Variants in CNTNAP2 observed in about 807,000 individuals in gnomAD.
CNTNAP2 encodes contactin associated protein 2.
In CNTNAP2, 98 loss-of-function variants were observed where a neutral mutation model predicts 155.2. That is an observed-to-expected ratio of 0.63 (90% CI 0.54 to 0.75). The LOEUF (loss-of-function observed/expected upper bound fraction) is 0.75, where lower values mean the gene tolerates loss of function less well. Ranked by LOEUF, CNTNAP2 falls within the 30% of genes least tolerant of loss-of-function variation. The probability of loss-of-function intolerance (pLI) is 0.00; values close to 1 mark genes in which losing one functional copy is unlikely to be tolerated. For synonymous variants in CNTNAP2, 651 were observed against 631.2 expected, an observed-to-expected ratio of 1.03 and a Z score of -0.47; for missense variants, 1,727 against 1,688.1, an observed-to-expected ratio of 1.02 and a Z score of -0.40.
chr7:147,643,532 G>A (rs949503618), intron 13 of CNTNAP2: 1 of 152,002 alleles, frequency 6.6e-6, no homozygotes, highest in Non-Finnish European at 1.5e-5. Context: ...AGAAGCTAAT[G>A]TTTACTGTAA....
chr7:148,020,246 A>G (rs759534317), intron 15 of CNTNAP2, among the ~76,000 whole-genome samples: 1 of 152,218 alleles, frequency 6.6e-6, no homozygotes, highest in African/African-American at 2.4e-5. Flanking sequence ...ATTCTTCTTT[A>G]AATCTTCACC....
At chr7:147,236,310 A>T (rs1182958335) in intron 8 of CNTNAP2, among the ~76,000 whole-genome samples, 1 of 152,074 alleles carries the variant, frequency 6.6e-6, no homozygotes, top group Non-Finnish European at 1.5e-5. Context: ...CCTAAACCCC[A>T]CTGGCTCTCT....
intron 1 of CNTNAP2, among the ~76,000 whole-genome samples, chr7:146,724,181 A>G (rs2129178129): frequency 6.6e-6 from 1 of 152,290 alleles, no homozygotes; most frequent in Non-Finnish European, 1.5e-5. Flanking sequence ...CCAATTTGCT[A>G]TCTCAAGGGG....
chr7:146,392,220 C>A (rs190334290), intron 1 of CNTNAP2, among the ~76,000 whole-genome samples: 22 of 151,996 alleles, frequency 1.4e-4, no homozygotes, highest in Admixed American at 9.8e-4. Context: ...ATAAATATTT[C>A]ATGGTATTTT....
chr7:147,005,404 T>A (rs948744684), intron 3 of CNTNAP2, among the ~76,000 whole-genome samples: 10 of 152,042 alleles, frequency 6.6e-5, no homozygotes, highest in Admixed American at 6.6e-4. Context: ...AATTTTTTTC[T>A]CTACCCTACT....
chr7:147,962,331 C>T (rs1185027611), intron 14 of CNTNAP2, among the ~76,000 whole-genome samples: 1 of 152,188 alleles, frequency 6.6e-6, no homozygotes, highest in Non-Finnish European at 1.5e-5. Flanking sequence ...AGTCTATGTG[C>T]TTTGGGAATT....
At chr7:147,746,871 C>G (rs1797052439) in intron 13 of CNTNAP2, among the ~76,000 whole-genome samples, 1 of 152,148 alleles carries the variant, frequency 6.6e-6, no homozygotes, top group Non-Finnish European at 1.5e-5. Flanking sequence ...AAAGCCCACA[C>G]TATTTTATTT....
rs907891373 is a variant in CNTNAP2, at chr7:146,922,446, G to A, written c.402+82542G>A. Among the ~76,000 whole-genome samples the A allele has an allele frequency of 2.0e-5, 3 of 152,254 alleles. No individual in the cohort carries two copies. The South Asian group carries it at 6.2e-4, about 32-fold the overall frequency. ...TGTCCTGAACGTAGTGGTGAGGCAAGTCATTTGAGTGAACACCTGCACTCC... is the reference window on the plus strand; with the variant it reads ...TGTCCTGAACGTAGTGGTGAGGCAAATCATTTGAGTGAACACCTGCACTCC... On this transcript the variant is annotated intron_variant, in intron 3 of 23. Coordinates refer to ENST00000361727, the MANE Select transcript of CNTNAP2 (RefSeq NM_014141.6).
At chr7:147,228,001 A>G (rs1803586694) in intron 8 of CNTNAP2, among the ~76,000 whole-genome samples, 1 of 152,194 alleles carries the variant, frequency 6.6e-6, no homozygotes, top group African/African-American at 2.4e-5. Flanking sequence ...GAGTAGAAGC[A>G]GATGATGGAG....
chr7:146,302,199 A>T (rs73461906), intron 1 of CNTNAP2, among the ~76,000 whole-genome samples: 3,327 of 152,284 alleles, frequency 0.022, 149 homozygotes, highest in African/African-American at 0.076. Context: ...AAAATGAAAG[A>T]TTTAAAAATT....
intron 1 of CNTNAP2, among the ~76,000 whole-genome samples, chr7:146,531,513 A>C (rs1003971985): frequency 2.0e-5 from 3 of 152,152 alleles, no homozygotes; most frequent in African/African-American, 7.2e-5. Flanking sequence ...AGATTGGCTT[A>C]GAATGTTATA....
At chr7:148,148,387 C>T (rs1330752262) in intron 17 of CNTNAP2, among the ~76,000 whole-genome samples, 1 of 152,118 alleles carries the variant, frequency 6.6e-6, no homozygotes, top group Non-Finnish European at 1.5e-5. Flanking sequence ...CTTCCCATGG[C>T]TAGTTGAATT....
At chr7:148,163,165 G>A (rs189768531) in intron 17 of CNTNAP2, among the ~76,000 whole-genome samples, 257 of 152,248 alleles carry the variant, frequency 1.7e-3, no homozygotes, top group African/African-American at 5.9e-3. Flanking sequence ...AAAATCAAAC[G>A]GTGGCCAGAG....
chr7:146,238,197 C>G (rs1055024231), intron 1 of CNTNAP2, among the ~76,000 whole-genome samples: 1 of 152,154 alleles, frequency 6.6e-6, no homozygotes, highest in African/African-American at 2.4e-5. Flanking sequence ...TCATAAAGCT[C>G]TTCTCTTAGT....
intron 1 of CNTNAP2, among the ~76,000 whole-genome samples, chr7:146,449,038 C>T (rs1434412921): frequency 6.6e-6 from 1 of 151,946 alleles, no homozygotes; most frequent in African/African-American, 2.4e-5. Flanking sequence ...TCTGTGTTGC[C>T]GAGGCAAGGC....
chr7:147,018,770 C>T (rs949229088), intron 3 of CNTNAP2, among the ~76,000 whole-genome samples: 5 of 152,010 alleles, frequency 3.3e-5, no homozygotes, highest in East Asian at 3.9e-4. Context: ...AATAAAGAGC[C>T]GCTATGTTCT....
rs1436766575 is a variant in CNTNAP2 at position 147,734,185 on chromosome 7, A to G, written c.2098+94879A>G. The stretch of plus-strand genomic sequence containing the variant: ...AATAGCCTTTATTATTTTGAGATAC[A>G]TCCCATCAATACCTAATTTATTGAG... On this transcript the variant is annotated intron_variant, in intron 13 of 23. Coordinates refer to ENST00000361727, the MANE Select transcript of CNTNAP2 (RefSeq NM_014141.6). 3.3e-5 allele frequency among the ~76,000 whole-genome samples: 5 copies of G among 152,162 alleles called. No individual in the cohort carries two copies. In the East Asian group the frequency reaches 5.8e-4, roughly 18 times the overall value.
At chr7:146,198,974 A>G (rs577750348) in intron 1 of CNTNAP2, among the ~76,000 whole-genome samples, 68 of 152,306 alleles carry the variant, frequency 4.5e-4, no homozygotes, top group African/African-American at 1.6e-3. Flanking sequence ...TCTACTCTGT[A>G]TTCATTTAGT....
At position 148,383,851 on chromosome 7, in the gene CNTNAP2, C is replaced by G. The variant is rs201219937; in HGVS notation, c.3678C>G (p.Ser1226=). 9.7e-5 allele frequency: 157 copies of G among 1,613,926 alleles called. No homozygotes were observed. The highest frequency in any genetic ancestry group is 3.8e-4 in the Admixed American group (23 of 60,012). ...ASPLTLSPMS[S]ATDPWHLDHL... ...CGCTGACCCTCTCCCCCATGTCGTC[C>G]GCCACCGACCCCTGGCACCTGGATC... The change falls in exon 22 of 24, where the codon TCC becomes TCG. Residue 1226 remains serine (S), a synonymous_variant. Coordinates refer to ENST00000361727, the MANE Select transcript of CNTNAP2 (RefSeq NM_014141.6).
Sources: gnomAD v4.1 joint callset for allele counts (sites outside exome capture counted in the v4.1 genomes callset) on GRCh38, gnomAD v4.1.1 for gene constraint, MANE v1.5 for transcripts, NCBI Gene and HGNC (gene_info 2026-07-23, HGNC 2026-07-21) for gene names.